The following BOC variants were observed in gnomAD, a reference collection of about 807,000 sequenced individuals.
The protein encoded by BOC is brother of CDO.
Under a neutral mutation model 112.0 loss-of-function variants are expected in BOC, and 76 were observed. That is an observed-to-expected ratio of 0.68 (90% CI 0.56 to 0.82). The LOEUF (loss-of-function observed/expected upper bound fraction) is 0.82. BOC is among the 40% of genes least tolerant of loss of function. The pLI is 0.00. For missense variants in BOC, 1,309 were observed against 1,511.7 expected (o/e 0.87, Z 2.22); for synonymous variants, 580 against 599.8 (o/e 0.97, Z 0.48).
chr3:113,259,694 TG>T (rs772265851), intron 4 of BOC, among the ~76,000 whole-genome samples: 9 of 152,146 alleles, frequency 5.9e-5, no homozygotes, highest in Non-Finnish European at 1.2e-4. Flanking sequence ...ATAGACGTAG[TG>T]TTCACATCCA....
intron 2 of BOC, among the ~76,000 whole-genome samples, chr3:113,225,837 T>G (rs1014061098): frequency 2.0e-5 from 3 of 152,266 alleles, no homozygotes; most frequent in Non-Finnish European, 4.4e-5. Flanking sequence ...TTACCTCATC[T>G]AGAAGCCTTG....
chr3:113,272,454 C>T lies in BOC; in HGVS notation c.712C>T (p.Gln238Ter), dbSNP rs1336842087. 1.2e-6 allele frequency: 2 copies of T among 1,614,006 alleles called. No individual in the cohort carries two copies. Among genetic ancestry groups the T allele is most frequent in the East Asian group, 2.2e-5 (1 of 44,868 alleles). ...AARIIYPPEA[Q>*]TIIVTKGQSL... The stretch of plus-strand genomic sequence containing the variant: ...CCGCATCATCTACCCCCCAGAGGCC[C>T]AAACCATCATCGTCACCAAAGGCCA... Residue 238 changes from glutamine (Q) to a stop codon, truncating the protein, a stop_gained, in exon 7 of 20, where the codon CAA becomes TAA. Transcript: ENST00000682979. LOFTEE classifies it high-confidence loss of function.
At chr3:113,277,879 C>G (rs191706343) in intron 9 of BOC, among the ~76,000 whole-genome samples, 1 of 152,326 alleles carries the variant, frequency 6.6e-6, no homozygotes, top group East Asian at 1.9e-4. Flanking sequence ...GATCATTAGA[C>G]GAGGGATCAG....
chr3:113,284,630 C>G, intron 17 of BOC, 63 bp downstream of exon 17: 1 of 1,550,498 alleles, frequency 6.4e-7, no homozygotes, highest in Non-Finnish European at 8.8e-7. Flanking sequence ...GCTGGGCTGC[C>G]TTGGGGGGCC....
At chr3:113,228,297 A>G (rs948699808) in intron 2 of BOC, among the ~76,000 whole-genome samples, 1 of 139,408 alleles carries the variant, frequency 7.2e-6, no homozygotes, top group Non-Finnish European at 1.6e-5. Context: ...GGGGCCCATT[A>G]TTCGAATCCT....
At chr3:113,226,186 T>C (rs963467165) in intron 2 of BOC, among the ~76,000 whole-genome samples, 2 of 152,206 alleles carry the variant, frequency 1.3e-5, no homozygotes, top group African/African-American at 4.8e-5. Flanking sequence ...AAATATCTTG[T>C]AATACATGAA....
At position 113,213,209 on chromosome 3, in the gene BOC, G is replaced by A. The variant is rs991496511; in HGVS notation, c.-170+1193G>A. Among the ~76,000 whole-genome samples the A allele has an allele frequency of 3.3e-5, 5 of 152,304 alleles. No homozygotes were observed. The East Asian group carries it at 9.6e-4, about 29-fold the overall frequency. ...ATCCCTTCTCTGCAAGTTCAAATGGGTTCGCCTAAGTTTTTGACCCAGAGT... is the reference window on the plus strand; with the variant it reads ...ATCCCTTCTCTGCAAGTTCAAATGGATTCGCCTAAGTTTTTGACCCAGAGT... On this transcript the variant is annotated intron_variant, in intron 1 of 19. Transcript: ENST00000682979.
chr3:113,236,300 A>ATACCCATGGG (rs1553726940), intron 2 of BOC, among the ~76,000 whole-genome samples: 1 of 122,718 alleles, frequency 8.1e-6, no homozygotes, highest in African/African-American at 2.9e-5. Flanking sequence ...ATATATATAT[A>ATACCCATGGG]TATATATATA....
rs770475212 is a variant in BOC at position 113,284,742 on chromosome 3, T to C, written c.2890-40T>C. On this transcript the variant is annotated intron_variant, in intron 17 of 19. Coordinates refer to ENST00000682979, the MANE Select transcript of BOC (RefSeq NM_001378074.1). ...GTGAAGACTGGAAAGTTACCTGGAC[T>C]CCCCGGCGTGGCCGTCTCATTACTC... 2.3e-5 allele frequency: 36 copies of C among 1,591,666 alleles called. No individual in the cohort carries two copies. The African/African-American group carries it at 4.0e-4, about 18-fold the overall frequency.
At chr3:113,220,775 G>T (rs1262224311) in intron 2 of BOC, among the ~76,000 whole-genome samples, 1 of 152,216 alleles carries the variant, frequency 6.6e-6, no homozygotes, top group Non-Finnish European at 1.5e-5. Context: ...TGTGGGATCG[G>T]GCAATGTAGG....
intron 2 of BOC, among the ~76,000 whole-genome samples, chr3:113,222,010 G>A (rs1439116625): frequency 6.6e-6 from 1 of 152,206 alleles, no homozygotes; most frequent in Non-Finnish European, 1.5e-5. Context: ...TGCCTGCACA[G>A]CACCCTCCCT....
Position 113,250,566 on chromosome 3 carries a change from C to G in BOC, c.109C>G (p.Gln37Glu). 6.2e-7 allele frequency: 1 copy of G among 1,611,596 alleles called. No homozygotes were observed. Among genetic ancestry groups the G allele is most frequent in the Non-Finnish European group, 8.5e-7 (1 of 1,178,628 alleles). Residue 37 changes from glutamine to glutamate, a missense_variant, in exon 4 of 20, where the codon CAG becomes GAG. Gln to Glu is a conservative substitution (Grantham distance 29, BLOSUM62 2). Transcript: ENST00000682979. The stretch of plus-strand genomic sequence containing the variant: ...TGTTCTTCCTCCAGACGAGGTCCCT[C>G]AGGTCACCGTCCAGCCTGCGTCCAC... ...GCFADLNEVP[Q>E]VTVQPASTVQ...
chr3:113,263,623 A>G (rs1947136108), intron 4 of BOC, among the ~76,000 whole-genome samples: 1 of 152,250 alleles, frequency 6.6e-6, no homozygotes, highest in South Asian at 2.1e-4. Flanking sequence ...TTGGACACGT[A>G]AAGTCCATGA....
Position 113,286,768 on chromosome 3 carries a change from C to T in BOC, c.3254C>T (p.Pro1085Leu). 2 of 1,613,830 alleles carry T rather than the reference C, an allele frequency of 1.2e-6. No homozygotes were observed. The highest frequency in any genetic ancestry group is 1.7e-6 in the Non-Finnish European group (2 of 1,179,824). The change falls in exon 20 of 20, where the codon CCC (proline) becomes CTC (leucine). Residue 1085 changes from proline to leucine, a missense_variant. Physicochemically the swap from Pro to Leu is moderately conservative, Grantham distance 98. Transcript: ENST00000682979. ...VSGGDWCPQH[P>L]VGAYVGQEPG... ...GGAGGAGACTGGTGTCCCCAGCACC[C>T]CGTAGGGGCCTACGTAGGACAGGAA...
Position 113,279,826 on chromosome 3 carries a change from A to G in BOC, c.2026A>G (p.Thr676Ala), listed in dbSNP as rs1400255823. 2.5e-6 allele frequency: 4 copies of G among 1,602,502 alleles called. No homozygotes were observed. In the African/African-American group the frequency reaches 4.0e-5, roughly 16 times the overall value. ...TCAGTGAGTGTCCCTCTCACCAGGC[A>G]CCTCCTACAAGTTTCGAGTCCGGGC... ...SVEITGLEKG[T>A]SYKFRVRALN... Residue 676 changes from threonine to alanine, a missense_variant and splice_region_variant, in exon 13 of 20, where the codon ACC (threonine) becomes GCC (alanine). Transcript: ENST00000682979.
intron 2 of BOC, among the ~76,000 whole-genome samples, chr3:113,248,502 G>T (rs999595050): frequency 1.3e-5 from 2 of 152,184 alleles, no homozygotes; most frequent in African/African-American, 4.8e-5. Context: ...ATTGCCACAG[G>T]TGAATGATCC....
chr3:113,273,244 C>T lies in BOC; in HGVS notation c.1137C>T (p.Leu379=), dbSNP rs1011659174. The change falls in exon 8 of 20, where the codon CTC becomes CTT. Residue 379 remains leucine, a synonymous_variant. Coordinates refer to ENST00000682979, the MANE Select transcript of BOC (RefSeq NM_001378074.1). The part of the protein sequence containing the change: ...LRLSRRALRV[L]SMGPEDEGVY... ...TCTCCCGCAGGGCCCTGCGCGTGCT[C>T]AGCATGGGGCCTGAGGACGAAGGCG... 10 of 1,613,394 alleles carry T rather than the reference C, an allele frequency of 6.2e-6. No homozygotes were observed. Among genetic ancestry groups the T allele is most frequent in the Non-Finnish European group, 8.5e-6 (10 of 1,179,950 alleles).
At chr3:113,244,604 C>G (rs1944680026) in intron 2 of BOC, among the ~76,000 whole-genome samples, 2 of 152,160 alleles carry the variant, frequency 1.3e-5, no homozygotes, top group Admixed American at 6.5e-5. Flanking sequence ...GTCACATTAG[C>G]CACATTTTGA....
intron 2 of BOC, among the ~76,000 whole-genome samples, chr3:113,236,922 A>T (rs1943646652): frequency 6.6e-6 from 1 of 152,212 alleles, no homozygotes; most frequent in Admixed American, 6.5e-5. Flanking sequence ...TAAATAGCTC[A>T]TCAAAGTATT....
Sources: allele counts gnomAD v4.1 joint callset (sites outside exome capture counted in the v4.1 genomes callset), GRCh38; gene constraint gnomAD v4.1.1; transcripts MANE v1.5; gene names NCBI Gene and HGNC (gene_info 2026-07-23, HGNC 2026-07-21).